DIS3L2: variants seen among roughly 807,000 people sequenced by gnomAD.
The protein encoded by DIS3L2 is DIS3 like 3'-5' exoribonuclease 2, also known as DIS3-like exonuclease 2.
DIS3L2 carries 34 observed loss-of-function variants against 97.5 expected under a neutral mutation model. The ratio of observed to expected loss-of-function variants is 0.35; its 90% confidence interval spans 0.27 to 0.46. The LOEUF is 0.46. DIS3L2 is among the 20% of genes least tolerant of loss of function. The probability of loss-of-function intolerance (pLI) is 1.00; values close to 1 mark genes in which losing one functional copy is unlikely to be tolerated. For missense variants in DIS3L2, 1,038 were observed against 1,146.0 expected (o/e 0.91, Z 1.36); for synonymous variants, 435 against 445.2 (o/e 0.98, Z 0.29).
At chr2:232,049,622 C>T (rs547656281) in intron 5 of DIS3L2, among the ~76,000 whole-genome samples, 1 of 152,256 alleles carries the variant, frequency 6.6e-6, no homozygotes, top group South Asian at 2.1e-4. Context: ...ACAGTCTGGA[C>T]ACAGGGAAAA....
At chr2:232,009,578 C>G (rs1382192570) in intron 1 of DIS3L2, among the ~76,000 whole-genome samples, 1 of 152,196 alleles carries the variant, frequency 6.6e-6, no homozygotes, top group Non-Finnish European at 1.5e-5. Flanking sequence ...AAACAACGAG[C>G]TTCCCTTTGT....
chr2:232,213,308 A>G (rs1370744575), intron 10 of DIS3L2, among the ~76,000 whole-genome samples: 1 of 152,234 alleles, frequency 6.6e-6, no homozygotes, highest in African/African-American at 2.4e-5. Context: ...CCAGGTGATC[A>G]GATACCTTCC....
intron 9 of DIS3L2, among the ~76,000 whole-genome samples, chr2:232,175,329 C>G (rs957405296): frequency 2.0e-5 from 3 of 152,148 alleles, no homozygotes; most frequent in African/African-American, 7.2e-5. Context: ...GATTGACTAT[C>G]ATATGTTGAG....
intron 9 of DIS3L2, among the ~76,000 whole-genome samples, chr2:232,200,773 C>G (rs982478104): frequency 6.7e-6 from 1 of 149,410 alleles, no homozygotes. Flanking sequence ...AAACCATTGA[C>G]CAAAAGGTTT....
chr2:232,314,350 C>T (rs1359293442), intron 14 of DIS3L2, among the ~76,000 whole-genome samples: 2 of 152,176 alleles, frequency 1.3e-5, no homozygotes, highest in Non-Finnish European at 2.9e-5. Context: ...GGTTATGCAT[C>T]CTACATGGGT....
chr2:232,053,153 G>A (rs1345243677), intron 5 of DIS3L2, among the ~76,000 whole-genome samples: 1 of 152,160 alleles, frequency 6.6e-6, no homozygotes, highest in Non-Finnish European at 1.5e-5. Flanking sequence ...TAAAAAGTCA[G>A]TTCCTAAATC....
At chr2:232,190,122 G>A (rs977509932) in intron 9 of DIS3L2, among the ~76,000 whole-genome samples, 2 of 152,134 alleles carry the variant, frequency 1.3e-5, no homozygotes, top group Non-Finnish European at 2.9e-5. Context: ...GAATGCAGGA[G>A]TTCGAGACCA....
chr2:231,981,620 A>ATATATATATG, intron 1 of DIS3L2, among the ~76,000 whole-genome samples: 1 of 142,454 alleles, frequency 7.0e-6, no homozygotes, highest in Non-Finnish European at 1.5e-5. Flanking sequence ...ATATATATAT[A>ATATATATATG]TATATATATA....
intron 9 of DIS3L2, among the ~76,000 whole-genome samples, chr2:232,166,249 ACT>A (rs1302766383): frequency 6.6e-6 from 1 of 152,016 alleles, no homozygotes; most frequent in Non-Finnish European, 1.5e-5. Context: ...ACGGAGCAAG[ACT>A]CTGTCTAAGG....
chr2:232,086,634 T>TATATACAC, intron 5 of DIS3L2, among the ~76,000 whole-genome samples: 1 of 63,788 alleles, frequency 1.6e-5, no homozygotes, highest in Middle Eastern at 6.1e-3. Flanking sequence ...TATATACACA[T>TATATACAC]ATATATATAT....
chr2:232,058,914 A>T (rs578033395), intron 5 of DIS3L2, among the ~76,000 whole-genome samples: 26 of 152,296 alleles, frequency 1.7e-4, no homozygotes, highest in Admixed American at 1.6e-3. Flanking sequence ...TTCATAAAGC[A>T]TGTTTTTATT....
rs1694692643 is a variant in DIS3L2, at chr2:232,295,096, G to A, written c.1660-4944G>A. ...CCAACCTAACTTTCTTCACACTAAT[G>A]TCTAAGTTGCTAGAAAAAAATTAAC... On this transcript the variant is annotated intron_variant, in intron 13 of 20. Transcript: ENST00000325385. 1.3e-5 allele frequency among the ~76,000 whole-genome samples: 2 copies of A among 152,070 alleles called. 1 individual carries two copies. The highest frequency in any genetic ancestry group is 3.9e-4 in the East Asian group (2 of 5,180).
intron 9 of DIS3L2, among the ~76,000 whole-genome samples, chr2:232,170,433 A>G (rs904512509): frequency 2.6e-5 from 4 of 152,198 alleles, no homozygotes; most frequent in Admixed American, 1.3e-4. Flanking sequence ...CAGTAAAACT[A>G]TGAGTTTCAT....
chr2:232,148,748 C>CTTTT lies in DIS3L2; in HGVS notation c.950+12050_950+12053dup, dbSNP rs34837114. Among the ~76,000 whole-genome samples, 121 of 98,862 alleles carry CTTTT rather than the reference C, an allele frequency of 1.2e-3. 2 individuals are homozygous for CTTTT. The highest frequency in any genetic ancestry group is 2.2e-3 in the South Asian group (6 of 2,734). The allele number at this position is 98,862 out of a possible 152,430, so 64.9% of individuals were successfully genotyped here. On this transcript the variant is annotated intron_variant, in intron 8 of 20. Transcript: ENST00000325385. ...ATTTTTTTTCTCCTTAATTTTCTTT[C>CTTTT]TTTTTTTTTTTTTTTTTTTTTTTTA...
At chr2:232,157,266 G>A (rs1195730276) in intron 8 of DIS3L2, among the ~76,000 whole-genome samples, 1 of 152,120 alleles carries the variant, frequency 6.6e-6, no homozygotes, top group East Asian at 1.9e-4. Flanking sequence ...TTTATGTGTG[G>A]GTCTTAAGTG....
chr2:232,233,700 C>CTA (rs1307907095), intron 10 of DIS3L2, among the ~76,000 whole-genome samples: 3 of 152,228 alleles, frequency 2.0e-5, no homozygotes, highest in Non-Finnish European at 4.4e-5. Context: ...AAGGCCCCAC[C>CTA]TATAGTAGGT....
At chr2:232,253,932 A>G (rs1334642104) in intron 12 of DIS3L2, among the ~76,000 whole-genome samples, 1 of 152,244 alleles carries the variant, frequency 6.6e-6, no homozygotes, top group Non-Finnish European at 1.5e-5. Context: ...TTTCAAACAT[A>G]CATGAAAGTA....
At chr2:232,103,825 G>A (rs2060971) in intron 6 of DIS3L2, among the ~76,000 whole-genome samples, 150,725 of 152,320 alleles carry the variant, frequency 0.99, 74,577 homozygotes, top group Middle Eastern at 1. Flanking sequence ...CTCAATCTCC[G>A]GTGATTATTG....
intron 5 of DIS3L2, among the ~76,000 whole-genome samples, chr2:232,060,348 T>C (rs1473889554): frequency 1.3e-5 from 2 of 152,180 alleles, no homozygotes; most frequent in Non-Finnish European, 2.9e-5. Context: ...TGTTTTCTTT[T>C]AGTAGTTTAA....
Sources: gnomAD v4.1 joint callset for allele counts (sites outside exome capture counted in the v4.1 genomes callset) on GRCh38, gnomAD v4.1.1 for gene constraint, MANE v1.5 for transcripts, NCBI Gene and HGNC (gene_info 2026-07-23, HGNC 2026-07-21) for gene names.